Variants in GRID1 observed in about 807,000 individuals in gnomAD.
GRID1 encodes the protein glutamate ionotropic receptor delta type subunit 1, also known as glutamate receptor ionotropic, delta-1.
In GRID1, 28 loss-of-function variants were observed where a neutral mutation model predicts 98.0. The observed-to-expected ratio is 0.29, with a 90% CI of 0.21 to 0.39. The LOEUF is 0.39. Ranked by LOEUF, GRID1 falls within the 10% of genes least tolerant of loss-of-function variation. The pLI, the probability that GRID1 is intolerant of heterozygous loss-of-function variation, is 1.00. For synonymous variants in GRID1, 553 were observed against 538.5 expected (o/e 1.03, Z -0.37); for missense variants, 1,111 against 1,340.5 (o/e 0.83, Z 2.67).
chr10:85,776,654 C>T lies in GRID1; in HGVS notation c.1234-47040G>A, dbSNP rs144288591. ...TCTACCAAGCGCAGCGACCGCAGCC[C>T]TAACTCAGATTGTCAAGCCTCTATG... On this transcript the variant is annotated intron_variant, in intron 8 of 15. Transcript: ENST00000327946. Among the ~76,000 whole-genome samples, 10 of 152,302 alleles carry T rather than the reference C, an allele frequency of 6.6e-5. No individual in the cohort carries two copies. The East Asian group carries it at 1.9e-3, about 29-fold the overall frequency.
Position 86,138,868 on chromosome 10 carries a change from C to T in GRID1, c.677G>A (p.Arg226His), listed in dbSNP as rs141651431. The T allele has an allele frequency of 4.8e-5, 78 of 1,614,204 alleles. No homozygotes were observed. The Admixed American group carries it at 7.5e-4, about 16-fold the overall frequency. The part of the protein sequence containing the change: ...ELNRYRDTLR[R>H]AILLLSPQGA... ...CTGTGGGCTGAGCAGCAGGATGGCG[C>T]GGCGAAGCGTGTCCCGGTAGCGATT... is the stretch of plus-strand genomic sequence containing the variant. The change falls in exon 4 of 16, where the codon CGC becomes CAC. Residue 226 changes from arginine (R) to histidine (H), a missense_variant. Physicochemically the swap from Arg to His is conservative, Grantham distance 29. This residue lies in a region of GRID1 where 346 missense variants were observed against 452.3 expected (regional missense o/e 0.76). Transcript: ENST00000327946.
At chr10:85,999,653 A>G (rs546003058) in intron 4 of GRID1, among the ~76,000 whole-genome samples, 1 of 152,344 alleles carries the variant, frequency 6.6e-6, no homozygotes, top group Admixed American at 6.5e-5. Flanking sequence ...GAAATGCATG[A>G]CTAACTCAAT....
At chr10:86,336,791 A>G (rs2132106617) in intron 2 of GRID1, among the ~76,000 whole-genome samples, 1 of 150,750 alleles carries the variant, frequency 6.6e-6, no homozygotes, top group Admixed American at 6.6e-5. Flanking sequence ...AGCGTCGCCC[A>G]CTCATCTGTA....
chr10:85,762,070 C>T (rs1338649778), intron 8 of GRID1, among the ~76,000 whole-genome samples: 1 of 152,204 alleles, frequency 6.6e-6, no homozygotes, highest in African/African-American at 2.4e-5. Flanking sequence ...ATTTGCTCCA[C>T]CCACAGTCGC....
intron 8 of GRID1, among the ~76,000 whole-genome samples, chr10:85,734,959 G>A (rs373221044): frequency 6.6e-6 from 1 of 152,128 alleles, no homozygotes; most frequent in Admixed American, 6.6e-5. Context: ...ATCCTGAGGG[G>A]GTCTGGCGCT....
intron 2 of GRID1, among the ~76,000 whole-genome samples, chr10:86,334,791 G>C (rs919789625): frequency 1.1e-4 from 16 of 152,230 alleles, no homozygotes. Context: ...GGGAGGCTGA[G>C]GATGTGGCCG....
chr10:85,720,633 C>CAAAAAAAAAAAAAAAAAAAAA (rs1178857868), intron 12 of GRID1, among the ~76,000 whole-genome samples: 2 of 79,092 alleles, frequency 2.5e-5, no homozygotes, highest in Non-Finnish European at 6.3e-5. Flanking sequence ...AACAAACAGA[C>CAAAAAAAAAAAAAAAAAAAAA]AAAAAAAAAA....
intron 6 of GRID1, among the ~76,000 whole-genome samples, chr10:85,862,899 G>T (rs1384718370): frequency 6.6e-6 from 1 of 152,162 alleles, no homozygotes; most frequent in African/African-American, 2.4e-5. Flanking sequence ...GGAGGGCAGG[G>T]AAGCAAGCAA....
chr10:86,243,382 C>T (rs1452999377), intron 2 of GRID1, among the ~76,000 whole-genome samples: 1 of 152,154 alleles, frequency 6.6e-6, no homozygotes, highest in East Asian at 1.9e-4. Flanking sequence ...GAGAGCCAAG[C>T]ACTGTCAGGC....
At chr10:85,878,669 C>A (rs553443322) in intron 5 of GRID1, among the ~76,000 whole-genome samples, 16 of 152,232 alleles carry the variant, frequency 1.1e-4, no homozygotes, top group African/African-American at 2.6e-4. Flanking sequence ...CAAAATCATG[C>A]CAAAATGTAA....
chr10:85,929,623 T>A (rs1022330344), intron 4 of GRID1, among the ~76,000 whole-genome samples: 2 of 152,196 alleles, frequency 1.3e-5, no homozygotes, highest in African/African-American at 4.8e-5. Context: ...ACTGAGTAAT[T>A]TCAAAGCACA....
intron 4 of GRID1, among the ~76,000 whole-genome samples, chr10:85,962,936 A>G (rs1052641922): frequency 2.0e-5 from 3 of 152,204 alleles, no homozygotes; most frequent in African/African-American, 7.2e-5. Flanking sequence ...AGGGAAAGAC[A>G]GGCACATAAA....
At chr10:85,771,361 C>A (rs1421618663) in intron 8 of GRID1, among the ~76,000 whole-genome samples, 15 of 152,270 alleles carry the variant, frequency 9.9e-5, no homozygotes, top group African/African-American at 3.6e-4. Context: ...CCAGCCACTG[C>A]AAAATCATGC....
chr10:86,105,592 C>T (rs911329116), intron 4 of GRID1, among the ~76,000 whole-genome samples: 12 of 152,146 alleles, frequency 7.9e-5, no homozygotes, highest in Admixed American at 4.6e-4. Context: ...CCAGCTGCCC[C>T]TCCCCAGCAG....
chr10:86,017,902 C>T (rs767480630), intron 4 of GRID1, among the ~76,000 whole-genome samples: 2 of 152,324 alleles, frequency 1.3e-5, no homozygotes, highest in South Asian at 4.1e-4. Flanking sequence ...TTAGTGCTCA[C>T]GTGTGTGGAG....
intron 5 of GRID1, among the ~76,000 whole-genome samples, chr10:85,878,773 T>A (rs995519475): frequency 4.6e-4 from 70 of 151,764 alleles, no homozygotes; most frequent in African/African-American, 1.4e-3. Context: ...CATAACAATA[T>A]TAACTTTAAA....
chr10:85,712,291 C>T (rs568332239), intron 12 of GRID1, among the ~76,000 whole-genome samples: 5 of 151,618 alleles, frequency 3.3e-5, no homozygotes, highest in South Asian at 2.1e-4. Flanking sequence ...GACAAGCACA[C>T]TGAAAGAAAA....
At chr10:85,624,837 T>C (rs1590164517) in intron 13 of GRID1, among the ~76,000 whole-genome samples, 2 of 152,182 alleles carry the variant, frequency 1.3e-5, no homozygotes, top group South Asian at 2.1e-4. Context: ...CCTAAATATA[T>C]CTAAAATGCA....
chr10:85,908,301 T>C (rs1432616084), intron 5 of GRID1, among the ~76,000 whole-genome samples: 1 of 152,178 alleles, frequency 6.6e-6, no homozygotes, highest in Non-Finnish European at 1.5e-5. Flanking sequence ...ATGGAATCTA[T>C]GAAAAACTCC....
Sources: allele counts gnomAD v4.1 joint callset (sites outside exome capture counted in the v4.1 genomes callset), GRCh38; gene constraint gnomAD v4.1.1; regional missense constraint gnomAD v4.1.1; transcripts MANE v1.5; gene names NCBI Gene and HGNC (gene_info 2026-07-23, HGNC 2026-07-21).